The following FRYL variants were observed in gnomAD, a reference collection of about 807,000 sequenced individuals.
FRYL encodes the protein protein furry homolog-like.
A neutral mutation model predicts 351.2 loss-of-function variants in FRYL; 150 were observed. That is an observed-to-expected ratio of 0.43 (90% CI 0.37 to 0.49). The LOEUF (loss-of-function observed/expected upper bound fraction) is 0.49. Ranked by LOEUF, FRYL falls within the 20% of genes least tolerant of loss-of-function variation. The probability of loss-of-function intolerance (pLI) is 0.00; values close to 1 mark genes in which losing one functional copy is unlikely to be tolerated. For missense variants in FRYL, 3,036 were observed against 3,619.3 expected, an observed-to-expected ratio of 0.84 and a Z score of 4.13; for synonymous variants, 1,153 against 1,257.1, an observed-to-expected ratio of 0.92 and a Z score of 1.75.
chr4:48,555,076 G>A (rs2149014928), intron 35 of FRYL, among the ~76,000 whole-genome samples: 1 of 152,216 alleles, frequency 6.6e-6, no homozygotes, highest in East Asian at 1.9e-4. Flanking sequence ...CCTATAATAA[G>A]CACCCATAAT....
chr4:48,655,728 T>C (rs544006309), intron 3 of FRYL, among the ~76,000 whole-genome samples: 4 of 146,474 alleles, frequency 2.7e-5, no homozygotes, highest in South Asian at 4.2e-4. Context: ...TGTATAAGTA[T>C]ATAAAATTAT....
chr4:48,574,977 A>G, intron 25 of FRYL, 140 bp downstream of exon 25: 1 of 571,434 alleles, frequency 1.7e-6, no homozygotes, highest in Non-Finnish European at 3.1e-6. Context: ...TTACATGGCT[A>G]GTTAATTGGT....
chr4:48,601,616 A>G (rs1354363276), intron 13 of FRYL, among the ~76,000 whole-genome samples: 3 of 152,168 alleles, frequency 2.0e-5, no homozygotes, highest in Non-Finnish European at 2.9e-5. Flanking sequence ...GATTTTAGTG[A>G]TATTATCAAA....
At chr4:48,582,440 T>C (rs1741145511) in intron 20 of FRYL, 57 bp downstream of exon 20, 3 of 1,040,362 alleles carry the variant, frequency 2.9e-6, no homozygotes, top group Non-Finnish European at 4.5e-6. Flanking sequence ...ATTAAAACCA[T>C]TATTGGTCAT....
At chr4:48,766,462 C>T (rs1774961008) in intron 1 of FRYL, among the ~76,000 whole-genome samples, 2 of 152,208 alleles carry the variant, frequency 1.3e-5, no homozygotes, top group South Asian at 4.1e-4. Context: ...CTGATGCCTA[C>T]TCAGAGGCCC....
chr4:48,552,192 A>G (rs1217793412), intron 36 of FRYL, among the ~76,000 whole-genome samples: 1 of 152,076 alleles, frequency 6.6e-6, no homozygotes, highest in Non-Finnish European at 1.5e-5. Flanking sequence ...GGGCTTCCAG[A>G]AAGTTTGAAG....
intron 3 of FRYL, among the ~76,000 whole-genome samples, chr4:48,677,772 G>A (rs1763960185): frequency 6.6e-6 from 1 of 152,198 alleles, no homozygotes; most frequent in South Asian, 2.1e-4. Flanking sequence ...ACTGATTCAA[G>A]TATAAAGCTT....
chr4:48,555,727 G>A (rs887213655), intron 35 of FRYL, among the ~76,000 whole-genome samples: 1 of 152,136 alleles, frequency 6.6e-6, no homozygotes, highest in Admixed American at 6.5e-5. Flanking sequence ...ACGTTGTCTT[G>A]TACCATACAC....
At chr4:48,503,589 C>G (rs568261959) in intron 60 of FRYL, among the ~76,000 whole-genome samples, 14 of 152,294 alleles carry the variant, frequency 9.2e-5, no homozygotes, top group Admixed American at 4.6e-4. Context: ...TGGTCTCTTA[C>G]GAGGAGAATG....
chr4:48,706,945 C>A (rs1224184865), intron 2 of FRYL, among the ~76,000 whole-genome samples: 3 of 152,140 alleles, frequency 2.0e-5, no homozygotes, highest in South Asian at 2.1e-4. Flanking sequence ...GGGATGATTG[C>A]AGCCCCAGAA....
chr4:48,677,934 C>A (rs1763990867), intron 3 of FRYL, among the ~76,000 whole-genome samples: 1 of 152,156 alleles, frequency 6.6e-6, no homozygotes, highest in South Asian at 2.1e-4. Context: ...ATTTTAATGA[C>A]TTCTGGCTAA....
chr4:48,544,314 T>C (rs963508116), intron 43 of FRYL, among the ~76,000 whole-genome samples: 2 of 152,152 alleles, frequency 1.3e-5, no homozygotes, highest in Non-Finnish European at 2.9e-5. Flanking sequence ...ACCCACCAGA[T>C]ACCAGTAGTA....
rs756902638 is a variant in FRYL at position 48,531,170 on chromosome 4, A to C, written c.6889T>G (p.Phe2297Val). The change falls in exon 50 of 64, where the codon TTT becomes GTT. Residue 2297 changes from phenylalanine (F) to valine (V), a missense_variant. Phe to Val is a conservative substitution (Grantham distance 50). Around this residue, in one of 7 missense-constraint regions of FRYL, gnomAD observed 1,987 missense variants for 2,311.7 expected, o/e 0.86. Coordinates refer to ENST00000358350, the MANE Select transcript of FRYL (RefSeq NM_015030.2). ...GAGCATCTTACCTCAGATATATCAA[A>C]ATGAAAATCTAAGGTCTTCCCAGGC... is the stretch of plus-strand genomic sequence containing the variant. ...ELPGKTLDFH[F>V]DISETPIIGN... 4.4e-6 allele frequency: 7 copies of C among 1,598,204 alleles called. No homozygotes were observed. Among genetic ancestry groups the C allele is most frequent in the Non-Finnish European group, 4.3e-6 (5 of 1,166,478 alleles).
intron 33 of FRYL, among the ~76,000 whole-genome samples, chr4:48,559,671 G>T (rs1200994078): frequency 2.2e-5 from 2 of 91,864 alleles, no homozygotes; most frequent in African/African-American, 8.5e-5. Flanking sequence ...AGGGAGAGAG[G>T]AAGAGGGGGA....
intron 1 of FRYL, among the ~76,000 whole-genome samples, chr4:48,776,559 T>C (rs1288568534): frequency 2.0e-5 from 3 of 152,174 alleles, no homozygotes; most frequent in Non-Finnish European, 4.4e-5. Context: ...AAAAGAAATA[T>C]ACACACAGCC....
At chr4:48,634,005 A>T (rs1177390727) in intron 4 of FRYL, among the ~76,000 whole-genome samples, 3 of 152,202 alleles carry the variant, frequency 2.0e-5, no homozygotes, top group Non-Finnish European at 4.4e-5. Flanking sequence ...CTTGTTTATT[A>T]TAAGTTTGGC....
intron 18 of FRYL, among the ~76,000 whole-genome samples, chr4:48,587,574 G>A (rs1412358824): frequency 2.0e-5 from 3 of 151,158 alleles, no homozygotes; most frequent in South Asian, 4.2e-4. Flanking sequence ...ATGGAGTTTC[G>A]CTCTTGTTGC....
intron 31 of FRYL, among the ~76,000 whole-genome samples, chr4:48,563,370 G>A (rs902303621): frequency 7.2e-5 from 11 of 151,910 alleles, no homozygotes; most frequent in African/African-American, 2.7e-4. Context: ...GTTAGACACG[G>A]CTGCATTTGA....
chr4:48,575,257 C>T lies in FRYL; in HGVS notation c.2722-16G>A, dbSNP rs776274630. ...TGCCAATAATCTGGAAAAAAAATAT[C>T]GTATTTGTAACAGCCACTAATGATA... On this transcript the variant is annotated splice_polypyrimidine_tract_variant and intron_variant, in intron 24 of 63. Coordinates refer to ENST00000358350, the MANE Select transcript of FRYL (RefSeq NM_015030.2). 14 of 1,611,498 alleles carry T rather than the reference C, an allele frequency of 8.7e-6. No homozygotes were observed. The highest frequency in any genetic ancestry group is 6.6e-5 in the South Asian group (6 of 90,898).
Sources: allele counts gnomAD v4.1 joint callset (sites outside exome capture counted in the v4.1 genomes callset), GRCh38; gene constraint gnomAD v4.1.1; regional missense constraint gnomAD v4.1.1; transcripts MANE v1.5; gene names NCBI Gene and HGNC (gene_info 2026-07-23, HGNC 2026-07-21).